SPART: variants seen among roughly 807,000 people sequenced by gnomAD.
SPART encodes the protein spartin.
Under a neutral mutation model 58.7 loss-of-function variants are expected in SPART, and 35 were observed. That is an observed-to-expected ratio of 0.60 (90% CI 0.46 to 0.79). SPART has a LOEUF of 0.79. SPART is among the 30% of genes least tolerant of loss of function. SPART has a pLI of 0.00. For synonymous variants in SPART, 284 were observed against 280.7 expected, an observed-to-expected ratio of 1.01 and a Z score of -0.12; for missense variants, 730 against 786.1, an observed-to-expected ratio of 0.93 and a Z score of 0.85.
intron 1 of SPART, among the ~76,000 whole-genome samples, chr13:36,356,000 C>T (rs1246039439): frequency 6.6e-6 from 1 of 152,168 alleles, no homozygotes; most frequent in African/African-American, 2.4e-5. Context: ...AGGGTTTTTA[C>T]ATATAGTACT....
chr13:36,349,352 G>C (rs1172418695), upstream of SPART, among the ~76,000 whole-genome samples: 1 of 152,210 alleles, frequency 6.6e-6, no homozygotes, highest in Admixed American at 6.5e-5. Context: ...TCCACGTATG[G>C]TTAAGTTACT....
intron 1 of SPART, among the ~76,000 whole-genome samples, chr13:36,363,086 C>G (rs1027320882): frequency 7.2e-5 from 11 of 152,070 alleles, no homozygotes; most frequent in Non-Finnish European, 1.5e-4. Flanking sequence ...TTCTGGAAAG[C>G]CCCAAGGGAC....
chr13:36,311,656 A>C (rs1680566200), intron 8 of SPART, among the ~76,000 whole-genome samples: 1 of 152,240 alleles, frequency 6.6e-6, no homozygotes. Context: ...AACATAAAGC[A>C]AAGTGACAAG....
At chr13:36,314,601 G>A (rs1479314196) in intron 5 of SPART, among the ~76,000 whole-genome samples, 180 bp from the exon 6 acceptor site, 1 of 152,186 alleles carries the variant, frequency 6.6e-6, no homozygotes, top group Non-Finnish European at 1.5e-5. Context: ...AATACTTAGT[G>A]ACACAGTTCT....
intron 1 of SPART, among the ~76,000 whole-genome samples, chr13:36,356,613 C>A (rs945878905): frequency 1.3e-5 from 2 of 152,180 alleles, no homozygotes; most frequent in East Asian, 1.9e-4. Context: ...AGTTGTCCCC[C>A]CTTTCTGGAC....
chr13:36,329,420 ACAT>A lies in SPART; in HGVS notation c.1103_1105del (p.Asp368del), dbSNP rs1489600373. The stretch of plus-strand genomic sequence containing the variant: ...CTTATTGCCTTGGTCCAACTGTTTC[ACAT>A]CAGTGCCAGAGGCTTCTTTTAGTTG... On this transcript the variant is annotated inframe_deletion, in exon 4 of 9. Coordinates refer to ENST00000438666, the MANE Select transcript of SPART (RefSeq NM_015087.5). 2 of 1,614,132 alleles carry A rather than the reference ACAT, an allele frequency of 1.2e-6. No individual in the cohort carries two copies. The highest frequency in any genetic ancestry group is 1.7e-6 in the Non-Finnish European group (2 of 1,180,020).
At chr13:36,349,015 G>A (rs1413507332), upstream of SPART, among the ~76,000 whole-genome samples, 3 of 152,158 alleles carry the variant, frequency 2.0e-5, no homozygotes, top group Admixed American at 6.5e-5. Context: ...TGTAATCCCA[G>A]CACTTTGGGA....
chr13:36,326,240 C>A, intron 5 of SPART: 1 of 336,252 alleles, frequency 3.0e-6, no homozygotes, highest in Non-Finnish European at 5.7e-6. Context: ...AGCTGAGGGA[C>A]AGGGGTAGGG....
At chr13:36,356,440 C>T (rs1885626367) in intron 1 of SPART, among the ~76,000 whole-genome samples, 1 of 152,184 alleles carries the variant, frequency 6.6e-6, no homozygotes, top group South Asian at 2.1e-4. Flanking sequence ...CTGAAGTCTA[C>T]CACCTGAAGG....
chr13:36,363,068 G>A (rs896461696), intron 1 of SPART, among the ~76,000 whole-genome samples: 3 of 152,066 alleles, frequency 2.0e-5, no homozygotes, highest in African/African-American at 7.2e-5. Context: ...GTACCTGAGA[G>A]GCTGCATTTC....
intron 1 of SPART, among the ~76,000 whole-genome samples, chr13:36,362,878 T>G (rs913466217): frequency 6.6e-6 from 1 of 152,298 alleles, no homozygotes; most frequent in African/African-American, 2.4e-5. Flanking sequence ...TATGTAAGAT[T>G]ATTTTCCAAA....
rs747098721 is a variant in SPART at position 36,312,233 on chromosome 13, A to C, written c.1645T>G (p.Phe549Val). ...MVVAASSVQG[F>V]STVWQGLECA... ...TCCAATCCTTGCCAGACAGTTGAAA[A>C]TCCTGTAAAAATAATATTTAAAACG... Residue 549 changes from phenylalanine to valine, a missense_variant and splice_region_variant, in exon 8 of 9, where the codon TTT becomes GTT. Coordinates refer to ENST00000438666, the MANE Select transcript of SPART (RefSeq NM_015087.5). 1.2e-6 allele frequency: 2 copies of C among 1,614,154 alleles called. No individual in the cohort carries two copies. Among genetic ancestry groups the C allele is most frequent in the South Asian group, 2.2e-5 (2 of 91,084 alleles).
intron 5 of SPART, 26 bp downstream of exon 5, chr13:36,326,549 G>A: frequency 6.2e-7 from 1 of 1,612,128 alleles, no homozygotes; most frequent in Non-Finnish European, 8.5e-7. Flanking sequence ...GTCATACAGG[G>A]AAAAAAATTA....
intron 1 of SPART, among the ~76,000 whole-genome samples, chr13:36,369,251 GA>G (rs896744152): frequency 1.2e-4 from 19 of 152,140 alleles, no homozygotes; most frequent in African/African-American, 4.6e-4. Flanking sequence ...AGCTGTTGTT[GA>G]AAAAATGGTA....
In SPART at chr13:36,304,767, T is replaced by A. The variant is rs973512157; in HGVS notation, c.1734-135A>T. The A allele has an allele frequency of 5.7e-6, 5 of 883,056 alleles. No individual in the cohort carries two copies. In the African/African-American group the frequency reaches 8.5e-5, roughly 15 times the overall value. 54.7% of individuals were successfully genotyped at this position (883,056 alleles called of 1,614,324 possible). A position where few individuals can be genotyped will look rare whatever the true frequency, so the allele number is the denominator to read the frequency against. ...AATTAAAGCTTAGGTTTCAATTTAA[T>A]TAATAACTTAAAACACAGTAGAGAA... On this transcript the variant is annotated intron_variant, in intron 8 of 8. Transcript: ENST00000438666.
rs113740663 is a variant in SPART at position 36,301,783 on chromosome 13, C to T, written c.*2582G>A. On this transcript the variant is annotated 3_prime_UTR_variant, in exon 9 of 9. Transcript: ENST00000438666. ...TGACAAGCCAACAACTCCACTCTTA[C>T]GCATAAAGTCTCTTGCATATGTGTA... 4 of 152,292 alleles carry T rather than the reference C, an allele frequency of 2.6e-5. No homozygotes were observed. The highest frequency in any genetic ancestry group is 9.6e-5 in the African/African-American group (4 of 41,562). 9.4% of individuals were successfully genotyped at this position (152,292 alleles called of 1,614,324 possible).
intron 1 of SPART, among the ~76,000 whole-genome samples, chr13:36,339,627 C>CAAAAAAAAA (rs71084420): frequency 2.1e-4 from 8 of 38,806 alleles, no homozygotes; most frequent in East Asian, 7.9e-4. Context: ...ACGACTCCAT[C>CAAAAAAAAA]AAAAAAAAAA....
intron 5 of SPART, chr13:36,326,344 A>T: frequency 1.9e-6 from 1 of 523,038 alleles, no homozygotes; most frequent in Non-Finnish European, 3.4e-6. Context: ...GCTTTTCACT[A>T]TCCATTTTCC....
rs1393254910 is a variant in SPART, at chr13:36,304,007, A to G, written c.*358T>C. ...TAAATGCCAATTTTTAAGCAAATAT[A>G]TAGTTTCCTATTTGCCTTCTGAAAG... On this transcript the variant is annotated 3_prime_UTR_variant, in exon 9 of 9. Transcript: ENST00000438666. The G allele has an allele frequency of 1.2e-5, 3 of 248,806 alleles. No homozygotes were observed. The highest frequency in any genetic ancestry group is 2.3e-5 in the Non-Finnish European group (3 of 128,786). The allele number at this position is 248,806 out of a possible 1,614,324, so 15.4% of individuals were successfully genotyped here.
Sources: gnomAD v4.1 joint callset for allele counts (sites outside exome capture counted in the v4.1 genomes callset) on GRCh38, gnomAD v4.1.1 for gene constraint, MANE v1.5 for transcripts, NCBI Gene and HGNC (gene_info 2026-07-23, HGNC 2026-07-21) for gene names.